The following TTC3 variants were observed in gnomAD, a reference collection of about 807,000 sequenced individuals.
TTC3 encodes the protein E3 ubiquitin-protein ligase TTC3.
Under a neutral mutation model 249.6 loss-of-function variants are expected in TTC3, and 180 were observed. That is an observed-to-expected ratio of 0.72 (90% CI 0.64 to 0.82). The LOEUF is 0.82. TTC3 is among the 40% of genes least tolerant of loss of function. The pLI is 0.00. For missense variants in TTC3, 2,061 were observed against 2,398.4 expected, an observed-to-expected ratio of 0.86 and a Z score of 2.94; for synonymous variants, 717 against 805.0, an observed-to-expected ratio of 0.89 and a Z score of 1.85.
At chr21:37,122,436 A>ATT (rs1338876056) in intron 12 of TTC3, among the ~76,000 whole-genome samples, 2 of 23,800 alleles carry the variant, frequency 8.4e-5, no homozygotes, top group East Asian at 1.4e-3. Context: ...ATATATATAT[A>ATT]TTATATATAT....
intron 39 of TTC3, among the ~76,000 whole-genome samples, chr21:37,189,317 C>T (rs2083701238): frequency 6.6e-6 from 1 of 152,258 alleles, no homozygotes; most frequent in African/African-American, 2.4e-5. Context: ...CTGATCTTGG[C>T]TCACTGCAAC....
At chr21:37,106,995 A>G (rs920033658) in intron 10 of TTC3, among the ~76,000 whole-genome samples, 11 of 151,940 alleles carry the variant, frequency 7.2e-5, no homozygotes, top group African/African-American at 2.7e-4. Flanking sequence ...TTTGTCACGA[A>G]TCAGGTCATT....
chr21:37,074,665 G>C (rs1391334545), intron 1 of TTC3, among the ~76,000 whole-genome samples: 1 of 151,760 alleles, frequency 6.6e-6, no homozygotes, highest in Non-Finnish European at 1.5e-5. Flanking sequence ...ATTTTTTGTT[G>C]CAAGAAATTT....
At chr21:37,151,568 G>C (rs976596544) in intron 25 of TTC3, among the ~76,000 whole-genome samples, 1 of 152,102 alleles carries the variant, frequency 6.6e-6, no homozygotes, top group Non-Finnish European at 1.5e-5. Context: ...ACCTTTCTTA[G>C]AAATGAGAGT....
At chr21:37,182,724 T>A in intron 35 of TTC3, 50 bp from the exon 36 acceptor site, 1 of 1,492,128 alleles carries the variant, frequency 6.7e-7, no homozygotes, top group Non-Finnish European at 9.0e-7. Context: ...GTCTCTTTTG[T>A]TAAAAAGTAT....
chr21:37,201,886 GA>G (rs2085536485), exon 46 of TTC3: 2 of 284,938 alleles, frequency 7.0e-6, no homozygotes, highest in East Asian at 1.8e-4. Flanking sequence ...GTATTCTAGT[GA>G]TAAGAATTCT....
intron 1 of TTC3, among the ~76,000 whole-genome samples, chr21:37,075,078 T>G (rs977473326): frequency 2.6e-5 from 4 of 152,168 alleles, no homozygotes; most frequent in Non-Finnish European, 4.4e-5. Flanking sequence ...TTTTATACTT[T>G]GATCAAGGTG....
intron 24 of TTC3, 49 bp downstream of exon 24, chr21:37,150,219 C>A: frequency 2.3e-6 from 3 of 1,300,384 alleles, no homozygotes; most frequent in Non-Finnish European, 3.3e-6. Context: ...AAAATGTTTA[C>A]ACCTTTTGAA....
intron 8 of TTC3, among the ~76,000 whole-genome samples, chr21:37,094,301 T>C (rs947872821): frequency 6.6e-5 from 10 of 152,202 alleles, no homozygotes; most frequent in African/African-American, 2.4e-4. Flanking sequence ...CTTTAGTCTT[T>C]AATGAGTTGA....
At chr21:37,182,797 G>C in exon 36 of TTC3, 1 of 1,593,562 alleles carries the variant, frequency 6.3e-7, no homozygotes, top group Non-Finnish European at 8.5e-7. Context: ...AATTAGATTG[G>C]TTCCTTCAAG....
At chr21:37,190,805 G>A (rs1416452899) in intron 39 of TTC3, among the ~76,000 whole-genome samples, 1 of 152,208 alleles carries the variant, frequency 6.6e-6, no homozygotes, top group African/African-American at 2.4e-5. Context: ...CAGATTGGTA[G>A]TGTTTTTGAT....
intron 44 of TTC3, among the ~76,000 whole-genome samples, chr21:37,199,810 A>G (rs1413261323): frequency 6.6e-6 from 1 of 152,110 alleles, no homozygotes; most frequent in Non-Finnish European, 1.5e-5. Flanking sequence ...TATGTCAGGG[A>G]TTATGGGCTT....
chr21:37,173,442 C>T (rs1013310123), intron 35 of TTC3, among the ~76,000 whole-genome samples: 6 of 152,122 alleles, frequency 3.9e-5, no homozygotes, highest in African/African-American at 1.2e-4. Flanking sequence ...CAAGACTGAT[C>T]ATCAGATACA....
rs542973719 is a variant in TTC3 at position 37,180,034 on chromosome 21, G to T, written c.4618-2740G>T. ...TTGGGGATATTATCCATTCTTTCATGTGACAGATATTTCTTGAATGTTCTC... is the reference window on the plus strand; with the variant it reads ...TTGGGGATATTATCCATTCTTTCATTTGACAGATATTTCTTGAATGTTCTC... On this transcript the variant is annotated intron_variant, in intron 35 of 45. Coordinates refer to ENST00000355666, the Ensembl canonical transcript of TTC3. Among the ~76,000 whole-genome samples the T allele has an allele frequency of 1.1e-4, 16 of 152,300 alleles. No homozygotes were observed. In the South Asian group the frequency reaches 3.3e-3, roughly 32 times the overall value.
intron 20 of TTC3, among the ~76,000 whole-genome samples, chr21:37,142,881 C>T (rs1294041708): frequency 2.6e-5 from 4 of 152,182 alleles, no homozygotes; most frequent in African/African-American, 9.7e-5. Flanking sequence ...CAGCATGTTA[C>T]TGGTACCAAA....
chr21:37,166,209 C>T (rs1387177304), exon 33 of TTC3: 7 of 1,614,144 alleles, frequency 4.3e-6, no homozygotes, highest in East Asian at 2.2e-5. Context: ...ACCCAGACAC[C>T]GCCAGCATAC....
At chr21:37,160,008 A>T (rs1252828818) in intron 29 of TTC3, among the ~76,000 whole-genome samples, 1 of 152,216 alleles carries the variant, frequency 6.6e-6, no homozygotes, top group East Asian at 1.9e-4. Context: ...TTAATATTCT[A>T]ATTAAGAAAG....
intron 23 of TTC3, 42 bp from the exon 24 acceptor site, chr21:37,150,036 G>C (rs538661440): frequency 1.4e-6 from 2 of 1,417,114 alleles, no homozygotes; most frequent in Non-Finnish European, 2.0e-6. Context: ...ATCCCCCCTA[G>C]ACATAACATT....
chr21:37,126,063 A>G lies in TTC3; in HGVS notation c.1234-17A>G. The G allele has an allele frequency of 6.3e-7, 1 of 1,583,832 alleles. No individual in the cohort carries two copies. On this transcript the variant is annotated splice_polypyrimidine_tract_variant and intron_variant, in intron 14 of 45. Coordinates refer to ENST00000355666, the Ensembl canonical transcript of TTC3. The stretch of plus-strand genomic sequence containing the variant: ...GTTGTTTTTTTTTTTTTTAAGTCTC[A>G]CTAATTTCATTGGCAGGTGGCGGAT...
Sources: allele counts gnomAD v4.1 joint callset (sites outside exome capture counted in the v4.1 genomes callset), GRCh38; gene constraint gnomAD v4.1.1; transcripts MANE v1.5; gene names NCBI Gene and HGNC (gene_info 2026-07-23, HGNC 2026-07-21).